GRIN1: variants seen among roughly 807,000 people sequenced by gnomAD.
GRIN1 encodes glutamate receptor ionotropic, NMDA 1.
Under a neutral mutation model 103.0 loss-of-function variants are expected in GRIN1, and 38 were observed. The ratio of observed to expected loss-of-function variants is 0.37; its 90% CI spans 0.28 to 0.48. GRIN1 has a LOEUF of 0.48. Among genes scored for constraint, GRIN1 ranks in the 20% least tolerant of loss-of-function variants. GRIN1 has a pLI of 0.98. For missense variants in GRIN1, 577 were observed against 1,288.9 expected, an observed-to-expected ratio of 0.45 and a Z score of 8.46; for synonymous variants, 544 against 532.7, an observed-to-expected ratio of 1.02 and a Z score of -0.29.
At chr9:137,147,296 ACC>A (rs1336479968) in intron 3 of GRIN1, among the ~76,000 whole-genome samples, 1 of 150,524 alleles carries the variant, frequency 6.6e-6, no homozygotes, top group Non-Finnish European at 1.5e-5. Flanking sequence ...TCACACACAC[ACC>A]TGGACACGCA....
At chr9:137,155,364 C>T (rs970530740) in intron 4 of GRIN1, among the ~76,000 whole-genome samples, 5 of 152,362 alleles carry the variant, frequency 3.3e-5, no homozygotes, top group Middle Eastern at 3.4e-3. Flanking sequence ...TCATTTGGGG[C>T]ACTGGGCCAG....
chr9:137,166,484 C>CG (rs1197025551), intron 19 of GRIN1, among the ~76,000 whole-genome samples: 1 of 152,248 alleles, frequency 6.6e-6, no homozygotes, highest in Non-Finnish European at 1.5e-5. Context: ...AGCTTACGCC[C>CG]GGGGGAGGAA....
At position 137,165,305 on chromosome 9, in the gene GRIN1, G is replaced by A. The variant is rs756488636; in HGVS notation, c.2700+9G>A. 2 of 1,548,614 alleles carry A rather than the reference G, an allele frequency of 1.3e-6. No homozygotes were observed. Among genetic ancestry groups the A allele is most frequent in the Non-Finnish European group, 8.9e-7 (1 of 1,122,406 alleles). On this transcript the variant is annotated intron_variant, in intron 19 of 19. Coordinates refer to ENST00000371561, the MANE Select transcript of GRIN1 (RefSeq NM_007327.4). ...GGTCCTCCAAAGACACGGTAAGGGGGAGAGCACCCCAGTCCCGCGTCCGAC... is the reference window on the plus strand; with the variant it reads ...GGTCCTCCAAAGACACGGTAAGGGGAAGAGCACCCCAGTCCCGCGTCCGAC...
At chr9:137,144,073 A>G (rs963391237) in intron 2 of GRIN1, among the ~76,000 whole-genome samples, 1 of 152,196 alleles carries the variant, frequency 6.6e-6, no homozygotes, top group Non-Finnish European at 1.5e-5. Flanking sequence ...CTCTATGGGC[A>G]GCCCCAGGGG....
Position 137,163,985 on chromosome 9 carries a change from ACTGGCT to A in GRIN1, c.2589+92_2589+97del, listed in dbSNP as rs764792430. On this transcript the variant is annotated intron_variant, in intron 18 of 19. Coordinates refer to ENST00000371561, the MANE Select transcript of GRIN1 (RefSeq NM_007327.4). ...CTCCTCCATCCCCGAAGGCCGTGGC[ACTGGCT>A]CTGGCTCTGGTGGGCAGGACTGGAG... The A allele has an allele frequency of 3.3e-6, 5 of 1,512,182 alleles. No individual in the cohort carries two copies. The Admixed American group carries it at 6.7e-5, about 20-fold the overall frequency. The allele number at this position is 1,512,182 out of a possible 1,614,324, so 93.7% of individuals were successfully genotyped here.
At chr9:137,163,457 GC>G (rs1833676511) in intron 16 of GRIN1, 101 bp from the exon 17 acceptor site, 1 of 1,414,926 alleles carries the variant, frequency 7.1e-7, no homozygotes, top group East Asian at 2.3e-5. Context: ...CCCACTCCAC[GC>G]CGCACCCTAC....
chr9:137,157,132 G>T, intron 6 of GRIN1, 95 bp downstream of exon 6: 2 of 1,101,670 alleles, frequency 1.8e-6, no homozygotes, highest in East Asian at 2.8e-5. Context: ...GGGGAGGTGG[G>T]CGGGGCCACT....
chr9:137,152,067 C>T (rs1049841180), intron 4 of GRIN1, among the ~76,000 whole-genome samples: 1 of 152,164 alleles, frequency 6.6e-6, no homozygotes, highest in African/African-American at 2.4e-5. Flanking sequence ...CCACCACGCC[C>T]TGCTACTTTT....
intron 4 of GRIN1, among the ~76,000 whole-genome samples, chr9:137,152,384 C>T (rs573069280): frequency 2.6e-5 from 4 of 152,254 alleles, no homozygotes; most frequent in East Asian, 1.9e-4. Flanking sequence ...CTCAAGGAAT[C>T]GATTGCCCTA....
rs1833569074 is a variant in GRIN1 at position 137,161,832 on chromosome 9, C to G, written c.1468-92C>G. ...GGTAGGGTCTTGGGGAGAAGACCCC[C>G]GGAGTGCTCTAGGGCGGCTTCAGTC... On this transcript the variant is annotated intron_variant, in intron 10 of 19. Coordinates refer to ENST00000371561, the MANE Select transcript of GRIN1 (RefSeq NM_007327.4). 2.3e-6 allele frequency: 3 copies of G among 1,321,102 alleles called. No homozygotes were observed. The Admixed American group carries it at 5.9e-5, about 26-fold the overall frequency. 81.8% of individuals were successfully genotyped at this position (1,321,102 alleles called of 1,614,324 possible).
chr9:137,167,705 G>A lies in GRIN1; in HGVS notation c.*178G>A, dbSNP rs964325192. 1.9e-6 allele frequency: 3 copies of A among 1,603,988 alleles called. No individual in the cohort carries two copies. Among genetic ancestry groups the A allele is most frequent in the East Asian group, 2.2e-5 (1 of 44,484 alleles). The stretch of plus-strand genomic sequence containing the variant: ...GTTGGCCGGCTGGCCGGTCCACCCC[G>A]TCCCGGCCCCGCGCGTGCCCCCAGC... On this transcript the variant is annotated 3_prime_UTR_variant, in exon 20 of 20. Transcript: ENST00000371561.
intron 4 of GRIN1, among the ~76,000 whole-genome samples, chr9:137,152,029 CCCAAGT>C (rs1043253934): frequency 6.6e-6 from 1 of 151,698 alleles, no homozygotes; most frequent in African/African-American, 2.4e-5. Context: ...GCCTCAGCCT[CCCAAGT>C]AGCTGGGACT....
chr9:137,153,972 C>T (rs554396609), intron 4 of GRIN1, among the ~76,000 whole-genome samples: 105 of 150,708 alleles, frequency 7.0e-4, no homozygotes, highest in South Asian at 3.2e-3. Flanking sequence ...CCACCATGCC[C>T]GGCTAATTTT....
intron 4 of GRIN1, among the ~76,000 whole-genome samples, chr9:137,152,612 G>T (rs546770177): frequency 1.3e-5 from 2 of 152,220 alleles, no homozygotes; most frequent in Admixed American, 1.3e-4. Context: ...GAGCCCCTGA[G>T]CCGTGCACTG....
chr9:137,160,581 C>G (rs915641288), intron 8 of GRIN1, among the ~76,000 whole-genome samples: 1 of 152,182 alleles, frequency 6.6e-6, no homozygotes, highest in Admixed American at 6.5e-5. Context: ...AGGTGCCCAC[C>G]ACCACGCCCG....
Position 137,139,239 on chromosome 9 carries a change from C to A in GRIN1, c.-248C>A. ...CCGGGCCCTTTCCAAGCCGGGCGCT[C>A]GGAGCTGTGCCCGGCCCCGCTTCAG... On this transcript the variant is annotated 5_prime_UTR_variant, in exon 1 of 20. Transcript: ENST00000371561. The surrounding 1 kb of genome is among the most constrained non-coding windows in gnomAD (Gnocchi z 7.7). The A allele has an allele frequency of 1.2e-5, 2 of 173,536 alleles. No homozygotes were observed. The highest frequency in any genetic ancestry group is 3.5e-4 in the South Asian group (2 of 5,766). 10.7% of individuals were successfully genotyped at this position (173,536 alleles called of 1,614,324 possible).
At chr9:137,148,273 C>T (rs1054943745) in intron 3 of GRIN1, 155 of 1,176,712 alleles carry the variant, frequency 1.3e-4, no homozygotes, top group East Asian at 2.3e-4. Context: ...CTCGGCGCCT[C>T]GGCCACTAGG....
rs751239261 is a variant in GRIN1 at position 137,144,372 on chromosome 9, T to G, written c.394-1354T>G. 2.9e-5 allele frequency among the ~76,000 whole-genome samples: 4 copies of G among 138,824 alleles called. No individual in the cohort carries two copies. In the East Asian group the frequency reaches 6.8e-4, roughly 24 times the overall value. 91.1% of individuals were successfully genotyped at this position (138,824 alleles called of 152,430 possible). On this transcript the variant is annotated intron_variant, in intron 2 of 19. Transcript: ENST00000371561. ...CAGTGTCTAGAAAGTGTCCCCAGGT[T>G]GGCCGGGCGCGGTGGCTCACGCCTG...
intron 4 of GRIN1, among the ~76,000 whole-genome samples, chr9:137,150,786 GA>G (rs569253911): frequency 3.0e-5 from 4 of 133,484 alleles, no homozygotes; most frequent in East Asian, 5.3e-4. Flanking sequence ...GCCCTGCCCA[GA>G]AAAAAGACCG....
Sources: allele counts gnomAD v4.1 joint callset (sites outside exome capture counted in the v4.1 genomes callset), GRCh38; gene constraint gnomAD v4.1.1; non-coding constraint Gnocchi (gnomAD v3.1); transcripts MANE v1.5; gene names NCBI Gene and HGNC (gene_info 2026-07-23, HGNC 2026-07-21).